The following TENM1 variants were observed in gnomAD, a reference collection of about 807,000 sequenced individuals.
The protein encoded by TENM1 is teneurin transmembrane protein 1, also known as teneurin-1.
Under a neutral mutation model 174.8 loss-of-function variants are expected in TENM1, and 35 were observed. The ratio of observed to expected loss-of-function variants is 0.20; its 90% CI spans 0.15 to 0.27. The LOEUF (loss-of-function observed/expected upper bound fraction) is 0.27, where lower values mean the gene tolerates loss of function less well. TENM1 is among the 10% of genes least tolerant of loss of function. TENM1 has a pLI of 1.00. For synonymous variants in TENM1, 781 were observed against 798.7 expected (o/e 0.98, Z 0.37); for missense variants, 1,633 against 2,130.1 (o/e 0.77, Z 4.59).
At chrX:125,147,929 G>A in the TENM1 span, among the ~76,000 whole-genome samples, 6 of 111,686 alleles carry the variant, frequency 5.4e-5, no homozygotes, top group Admixed American at 9.5e-5. Flanking sequence ...TGTCATGGCC[G>A]CCAATGACTT....
Position 124,913,541 on chromosome X carries a change from T to C in TENM1, c.218-17300A>G, listed in dbSNP as rs187785677. ...AATGATTAATAGGTATATAGGTCTA[T>C]ACATATATACACATGTGCACACAAT... On this transcript the variant is annotated intron_variant, in intron 1 of 31. Transcript: ENST00000422452. 2.7e-5 allele frequency among the ~76,000 whole-genome samples: 3 copies of C among 112,039 alleles called. No individual in the cohort carries two copies. The Admixed American group carries it at 2.8e-4, about 11-fold the overall frequency.
At chrX:124,905,313 A>AAATG (rs1378348336) in intron 1 of TENM1, among the ~76,000 whole-genome samples, 11 of 111,035 alleles carry the variant, frequency 9.9e-5, no homozygotes, top group South Asian at 3.8e-4. Context: ...ATAAATAAAT[A>AAATG]AATGAATGAA....
intron 3 of TENM1, among the ~76,000 whole-genome samples, chrX:124,767,257 C>T (rs190100193): frequency 9.0e-6 from 1 of 111,617 alleles, no homozygotes; most frequent in East Asian, 2.8e-4. Context: ...TGCTTTCTTC[C>T]ATTTTCCTTT....
intron 10 of TENM1, among the ~76,000 whole-genome samples, 168 bp downstream of exon 13, chrX:124,644,975 G>GTAT (rs1314526840): frequency 1.8e-5 from 2 of 111,427 alleles, no homozygotes; most frequent in Non-Finnish European, 3.8e-5. Flanking sequence ...GAATCTGTCA[G>GTAT]AAGAGACAAG....
intron 22 of TENM1, among the ~76,000 whole-genome samples, chrX:124,477,918 T>C (rs2046767979): frequency 9.6e-6 from 1 of 104,424 alleles, no homozygotes; most frequent in Non-Finnish European, 1.9e-5. Context: ...TATGTCCAGG[T>C]AAATTTCTTA....
At chrX:124,498,064 T>C (rs1210753468) in intron 19 of TENM1, among the ~76,000 whole-genome samples, 2 of 111,415 alleles carry the variant, frequency 1.8e-5, no homozygotes, top group African/African-American at 6.5e-5. Flanking sequence ...ACTGAACTCA[T>C]TATTTTTCTG....
the TENM1 span, among the ~76,000 whole-genome samples, chrX:124,970,065 A>G: frequency 8.9e-6 from 1 of 111,769 alleles, no homozygotes; most frequent in Non-Finnish European, 1.9e-5. Flanking sequence ...ACTGTAGCAT[A>G]GCTGAACTAA....
At chrX:124,679,978 A>G (rs1159093514) in intron 5 of TENM1, among the ~76,000 whole-genome samples, 1 of 111,746 alleles carries the variant, frequency 8.9e-6, no homozygotes, top group Non-Finnish European at 1.9e-5. Flanking sequence ...TCTTTCAAAC[A>G]TTTTTGAAAA....
intron 11 of TENM1, among the ~76,000 whole-genome samples, chrX:124,589,672 A>G (rs1402062200): frequency 1.8e-5 from 2 of 110,868 alleles, no homozygotes; most frequent in African/African-American, 6.6e-5. Context: ...TAATGTATCC[A>G]TTTCCTCTAG....
chrX:125,093,546 T>C, the TENM1 span, among the ~76,000 whole-genome samples: 1 of 112,016 alleles, frequency 8.9e-6, no homozygotes, highest in East Asian at 2.8e-4. Flanking sequence ...TCTACTCATG[T>C]ACCAAATTTC....
intron 5 of TENM1, among the ~76,000 whole-genome samples, chrX:124,673,670 T>G (rs892055599): frequency 1.8e-5 from 2 of 111,235 alleles, no homozygotes; most frequent in Admixed American, 1.9e-4. Flanking sequence ...GGAGATTTCT[T>G]AAGGAGAAAT....
At chrX:125,079,429 G>A in the TENM1 span, among the ~76,000 whole-genome samples, 1 of 111,823 alleles carries the variant, frequency 8.9e-6, no homozygotes, top group Non-Finnish European at 1.9e-5. Context: ...AAATATACTG[G>A]TCATACTGGA....
intron 1 of TENM1, among the ~76,000 whole-genome samples, chrX:124,921,517 A>G (rs531546641): frequency 3.7e-4 from 41 of 112,068 alleles, no homozygotes; most frequent in Middle Eastern, 4.6e-3. Flanking sequence ...ATCTGGAAAT[A>G]TTAAATGTTA....
At chrX:124,480,251 G>A (rs2046813609) in intron 22 of TENM1, among the ~76,000 whole-genome samples, 1 of 111,749 alleles carries the variant, frequency 8.9e-6, no homozygotes, top group Non-Finnish European at 1.9e-5. Context: ...AAAATCAAGT[G>A]CTAATTGTGT....
At chrX:124,533,765 T>C (rs1236431876) in intron 15 of TENM1, among the ~76,000 whole-genome samples, 2 of 112,208 alleles carry the variant, frequency 1.8e-5, no homozygotes, top group East Asian at 5.6e-4. Flanking sequence ...CCTGCACATG[T>C]GTACAGCAGC....
Position 124,402,116 on chromosome X carries a change from T to C in TENM1, c.5391+2915A>G, listed in dbSNP as rs1409737736. Reference sequence around the variant, plus strand: ...CTGATCCTTAATAGCTGGTTGACTTTGGGCAAATCACTTAACCTACCTGGG... The same window carrying C: ...CTGATCCTTAATAGCTGGTTGACTTCGGGCAAATCACTTAACCTACCTGGG... On this transcript the variant is annotated intron_variant, in intron 27 of 31. Transcript: ENST00000422452. Among the ~76,000 whole-genome samples, 15 of 112,279 alleles carry C rather than the reference T, an allele frequency of 1.3e-4. No individual in the cohort carries two copies. In the Admixed American group the frequency reaches 1.4e-3, roughly 11 times the overall value.
At chrX:124,951,436 T>C (rs1414923100) in intron 1 of TENM1, among the ~76,000 whole-genome samples, 1 of 109,795 alleles carries the variant, frequency 9.1e-6, no homozygotes, top group Non-Finnish European at 1.9e-5. Flanking sequence ...CAAATGCAAT[T>C]CTACAAACCA....
chrX:124,605,430 T>C (rs2050131308), intron 11 of TENM1, among the ~76,000 whole-genome samples: 1 of 108,831 alleles, frequency 9.2e-6, no homozygotes, highest in Non-Finnish European at 1.9e-5. Context: ...GTATATGGAG[T>C]CAAGGGGGCA....
At chrX:124,443,051 T>C in intron 23 of TENM1, among the ~76,000 whole-genome samples, 1 of 41,541 alleles carries the variant, frequency 2.4e-5, no homozygotes, top group South Asian at 2.2e-3. Context: ...ACTATGTGTG[T>C]GTGTGTGTGT....
Sources: gnomAD v4.1 joint callset for allele counts (sites outside exome capture counted in the v4.1 genomes callset) on GRCh38, gnomAD v4.1.1 for gene constraint, MANE v1.5 for transcripts, NCBI Gene and HGNC (gene_info 2026-07-23, HGNC 2026-07-21) for gene names.